USO1: variants seen among roughly 807,000 people sequenced by gnomAD.
USO1 encodes USO1 vesicle transport factor, also known as general vesicular transport factor p115.
Under a neutral mutation model 124.5 loss-of-function variants are expected in USO1, and 57 were observed. That is an observed-to-expected ratio of 0.46 (90% CI 0.37 to 0.57). USO1 has a LOEUF of 0.57. USO1 is among the 20% of genes least tolerant of loss of function. USO1 has a pLI of 0.00. For synonymous variants in USO1, 369 were observed against 362.8 expected (o/e 1.02, Z -0.19); for missense variants, 900 against 1,040.6 (o/e 0.86, Z 1.86).
intron 4 of USO1, among the ~76,000 whole-genome samples, chr4:75,769,476 G>C (rs1721860705): frequency 6.6e-6 from 1 of 152,054 alleles, no homozygotes; most frequent in Non-Finnish European, 1.5e-5. Flanking sequence ...TCATCTGCTG[G>C]GTTTTTTCCC....
chr4:75,770,720 ATGTTTTACTTGTAGTT>A (rs1446529415), intron 5 of USO1, 86 bp from the exon 6 acceptor site: 5 of 1,532,894 alleles, frequency 3.3e-6, no homozygotes, highest in Non-Finnish European at 4.4e-6. Flanking sequence ...CTAAACTTCC[ATGTTTTACTTGTAGTT>A]TCTGGTAAAA....
At chr4:75,788,491 A>G (rs1722433422) in intron 10 of USO1, among the ~76,000 whole-genome samples, 1 of 147,234 alleles carries the variant, frequency 6.8e-6, no homozygotes, top group Non-Finnish European at 1.5e-5. Context: ...TTTTTCCTCT[A>G]TCCCTTGGTT....
chr4:75,737,816 C>CATT lies in USO1; in HGVS notation c.66+12950_66+12952dup, dbSNP rs201525951. ...TTCAAATAATATAGTAAATATAATA[C>CATT]ATTATTATTATTATTATTATTGTTA... On this transcript the variant is annotated intron_variant, in intron 1 of 23. Transcript: ENST00000514213. Among the ~76,000 whole-genome samples the CATT allele has an allele frequency of 9.5e-3, 1,436 of 150,988 alleles. 23 individuals carry two copies. The highest frequency in any genetic ancestry group is 0.031 in the African/African-American group (1,286 of 41,140).
In USO1 at chr4:75,804,816, C is replaced by T. The variant is rs139695253; in HGVS notation, c.2126-324C>T. ...ACTGCTTTTAAATAGTATTATCCTACGGTGCTTGTGAAGATTTTTTAAAAG... is the reference window on the plus strand; with the variant it reads ...ACTGCTTTTAAATAGTATTATCCTATGGTGCTTGTGAAGATTTTTTAAAAG... On this transcript the variant is annotated intron_variant, in intron 18 of 23. Coordinates refer to ENST00000514213, the MANE Select transcript of USO1 (RefSeq NM_003715.4). 9.2e-5 allele frequency among the ~76,000 whole-genome samples: 14 copies of T among 152,294 alleles called. No individual in the cohort carries two copies. The East Asian group carries it at 2.1e-3, about 23-fold the overall frequency.
chr4:75,810,292 GC>G (rs1723108679), intron 21 of USO1, 139 bp from the exon 22 acceptor site: 2 of 942,548 alleles, frequency 2.1e-6, no homozygotes, highest in Non-Finnish European at 3.0e-6. Context: ...GCACTTTGTT[GC>G]ACATAAATAC....
chr4:75,741,745 C>T (rs1470109543), intron 1 of USO1, among the ~76,000 whole-genome samples: 1 of 151,876 alleles, frequency 6.6e-6, no homozygotes, highest in East Asian at 1.9e-4. Context: ...GCTGGGATTA[C>T]AGGCACCTGC....
intron 13 of USO1, among the ~76,000 whole-genome samples, chr4:75,799,069 G>A (rs932574644): frequency 5.3e-5 from 8 of 152,084 alleles, no homozygotes; most frequent in Admixed American, 3.9e-4. Flanking sequence ...CTCATCTGGT[G>A]TGTGATGACT....
At chr4:75,744,926 C>G (rs929737915) in intron 1 of USO1, 1 of 507,364 alleles carries the variant, frequency 2.0e-6, no homozygotes, top group Non-Finnish European at 3.9e-6. Context: ...AAACAAATTT[C>G]TAGAAGTTGA....
intron 4 of USO1, among the ~76,000 whole-genome samples, chr4:75,761,998 A>G (rs895916619): frequency 6.6e-6 from 1 of 152,002 alleles, no homozygotes; most frequent in Non-Finnish European, 1.5e-5. Context: ...TATTATTGTG[A>G]TACTGTAGAG....
intron 1 of USO1, among the ~76,000 whole-genome samples, chr4:75,726,015 C>G (rs1720433364): frequency 1.3e-5 from 2 of 152,184 alleles, no homozygotes; most frequent in South Asian, 4.1e-4. Context: ...GACGCGGTGG[C>G]TCACGCCTCT....
At chr4:75,762,891 G>A (rs1460192874) in intron 4 of USO1, among the ~76,000 whole-genome samples, 1 of 152,218 alleles carries the variant, frequency 6.6e-6, no homozygotes, top group Non-Finnish European at 1.5e-5. Context: ...TCGTGCCACT[G>A]CACTCCAGAC....
rs765817082 is a variant in USO1 at position 75,799,566 on chromosome 4, T to G, written c.1453-56T>G. 16 of 1,594,206 alleles carry G rather than the reference T, an allele frequency of 1.0e-5. No homozygotes were observed. In the African/African-American group the frequency reaches 2.0e-4, roughly 20 times the overall value. ...AATGGAAGGGATCTTAGGGCAACTT[T>G]AAGTTTGAAAAATATAAAATGAATG... On this transcript the variant is annotated intron_variant, in intron 13 of 23. Coordinates refer to ENST00000514213, the MANE Select transcript of USO1 (RefSeq NM_003715.4).
Position 75,795,313 on chromosome 4 carries a change from A to G in USO1, c.1452+1412A>G, listed in dbSNP as rs186593484. On this transcript the variant is annotated intron_variant, in intron 13 of 23. Coordinates refer to ENST00000514213, the MANE Select transcript of USO1 (RefSeq NM_003715.4). Reference sequence around the variant, plus strand: ...TTCTAAAGTAGTAATATGTATGAATAATTTGTAATGTATAATTTGCAGGGT... The same window carrying G: ...TTCTAAAGTAGTAATATGTATGAATGATTTGTAATGTATAATTTGCAGGGT... The G allele has an allele frequency of 2.6e-3, 1,852 of 702,152 alleles. 12 individuals are homozygous for G. The highest frequency in any genetic ancestry group is 3.0e-3 in the Non-Finnish European group (1,143 of 384,578). The allele number at this position is 702,152 out of a possible 1,614,324, so 43.5% of individuals were successfully genotyped here.
intron 1 of USO1, among the ~76,000 whole-genome samples, chr4:75,734,604 G>C (rs1720734928): frequency 6.6e-6 from 1 of 151,314 alleles, no homozygotes; most frequent in Non-Finnish European, 1.5e-5. Flanking sequence ...TGGCTGTTCA[G>C]GCTCTTTTGG....
intron 22 of USO1, 108 bp from the exon 23 acceptor site, chr4:75,812,052 T>C (rs1275964087): frequency 3.3e-6 from 5 of 1,493,504 alleles, no homozygotes; most frequent in Non-Finnish European, 4.5e-6. Context: ...CTAAATTCCT[T>C]AGGTTGAACA....
At chr4:75,769,827 T>C (rs71607333) in intron 4 of USO1, among the ~76,000 whole-genome samples, 4 of 152,048 alleles carry the variant, frequency 2.6e-5, no homozygotes, top group African/African-American at 7.2e-5. Context: ...TGTAAAATCC[T>C]TTAAACAATA....
intron 8 of USO1, 95 bp downstream of exon 8, chr4:75,774,891 T>C: frequency 7.0e-7 from 1 of 1,437,794 alleles, no homozygotes; most frequent in Non-Finnish European, 9.2e-7. Flanking sequence ...ATGGGGACTC[T>C]TATTTATACT....
chr4:75,758,762 C>CTA (rs1248227007), intron 4 of USO1, among the ~76,000 whole-genome samples: 1 of 151,966 alleles, frequency 6.6e-6, no homozygotes, highest in Admixed American at 6.6e-5. Context: ...GATATCTATC[C>CTA]TATAGCTTAA....
chr4:75,790,047 TA>T (rs67037358), intron 10 of USO1, 102 bp from the exon 11 acceptor site: 524,297 of 1,000,516 alleles, frequency 0.52, 105,575 homozygotes, highest in East Asian at 0.75. Context: ...TAAAGTATAA[TA>T]AAAAAAAAAA....
Sources: gnomAD v4.1 joint callset for allele counts (sites outside exome capture counted in the v4.1 genomes callset) on GRCh38, gnomAD v4.1.1 for gene constraint, MANE v1.5 for transcripts, NCBI Gene and HGNC (gene_info 2026-07-23, HGNC 2026-07-21) for gene names.